The following UTRN variants were observed in gnomAD, a reference collection of about 807,000 sequenced individuals.
UTRN encodes the protein dystrophin-related protein 1.
Under a neutral mutation model 463.9 loss-of-function variants are expected in UTRN, and 283 were observed. The observed-to-expected ratio is 0.61, with a 90% CI of 0.55 to 0.67. The LOEUF is 0.67. UTRN is among the 30% of genes least tolerant of loss of function. The pLI, the probability that UTRN is intolerant of heterozygous loss-of-function variation, is 0.00. For synonymous variants in UTRN, 1,442 were observed against 1,431.5 expected (o/e 1.01, Z -0.17); for missense variants, 3,922 against 4,084.3 (o/e 0.96, Z 1.08).
rs992801536 is a variant in UTRN at position 144,286,421 on chromosome 6, G to A, written c.-93+600G>A. On this transcript the variant is annotated intron_variant, in intron 1 of 74. Transcript: ENST00000367545. This position sits in a 1 kb window ranked among gnomAD's most constrained non-coding sequence, Gnocchi z 4.4. ...TGCTGCTCCCAAGGGTGGGGCTCCG[G>A]AGAGTGTGGCGCGATCGCCAAGCTC... 4.6e-5 allele frequency among the ~76,000 whole-genome samples: 7 copies of A among 152,160 alleles called. No individual in the cohort carries two copies. Among genetic ancestry groups the A allele is most frequent in the Non-Finnish European group, 1.0e-4 (7 of 68,024 alleles).
intron 34 of UTRN, among the ~76,000 whole-genome samples, chr6:144,504,880 A>T (rs1433305562): frequency 1.3e-5 from 2 of 152,142 alleles, no homozygotes; most frequent in Non-Finnish European, 2.9e-5. Context: ...CTGTGAATCC[A>T]TCTGGTCCTG....
At chr6:144,638,601 T>C (rs932770030) in intron 51 of UTRN, among the ~76,000 whole-genome samples, 4 of 152,174 alleles carry the variant, frequency 2.6e-5, no homozygotes, top group African/African-American at 9.7e-5. Context: ...TCCATTTTCT[T>C]AGCAAAAAGT....
chr6:144,494,055 GGCT>G (rs1190846152), intron 33 of UTRN, among the ~76,000 whole-genome samples: 3 of 152,098 alleles, frequency 2.0e-5, no homozygotes, highest in Non-Finnish European at 4.4e-5. Context: ...TACTTTCAAT[GGCT>G]ACTGATATTC....
intron 3 of UTRN, among the ~76,000 whole-genome samples, chr6:144,409,372 A>G (rs1469391995): frequency 6.6e-6 from 1 of 152,240 alleles, no homozygotes; most frequent in African/African-American, 2.4e-5. Flanking sequence ...TGGTATTCAT[A>G]ATTGTGAAGC....
chr6:144,424,702 A>G (rs1785144196), intron 6 of UTRN, among the ~76,000 whole-genome samples: 1 of 152,202 alleles, frequency 6.6e-6, no homozygotes, highest in Non-Finnish European at 1.5e-5. Context: ...AGTTGCAGGA[A>G]TAGTTCAAAG....
At chr6:144,706,243 C>A (rs1233252069) in intron 53 of UTRN, among the ~76,000 whole-genome samples, 1 of 146,314 alleles carries the variant, frequency 6.8e-6, no homozygotes, top group Non-Finnish European at 1.5e-5. Flanking sequence ...TTTTTTAAGT[C>A]CTTGAAAATG....
intron 51 of UTRN, among the ~76,000 whole-genome samples, chr6:144,581,245 C>A (rs1801941541): frequency 2.0e-5 from 3 of 152,160 alleles, no homozygotes; most frequent in Admixed American, 2.0e-4. Context: ...TATTGACTTC[C>A]AACTAGTTTA....
chr6:144,444,421 GA>G, intron 14 of UTRN, 39 bp downstream of exon 14: 1 of 1,504,952 alleles, frequency 6.6e-7, no homozygotes, highest in Non-Finnish European at 9.1e-7. Context: ...AATAAATGGT[GA>G]AAAGTAACCC....
chr6:144,564,495 C>T (rs1415000661), intron 50 of UTRN, among the ~76,000 whole-genome samples: 2 of 152,026 alleles, frequency 1.3e-5, no homozygotes, highest in East Asian at 1.9e-4. Context: ...GGTATTAGTC[C>T]GTTTTCATAC....
intron 50 of UTRN, among the ~76,000 whole-genome samples, chr6:144,571,413 C>T (rs1220202072): frequency 2.0e-5 from 3 of 152,156 alleles, no homozygotes; most frequent in Non-Finnish European, 2.9e-5. Flanking sequence ...GTTCTTTTCC[C>T]TCGACTCACT....
At chr6:144,448,480 T>C in intron 16 of UTRN, 120 bp from the exon 17 acceptor site, 5 of 1,132,968 alleles carry the variant, frequency 4.4e-6, no homozygotes, top group Non-Finnish European at 1.3e-6. Context: ...ATTATACAAC[T>C]GTATAAATGT....
intron 51 of UTRN, among the ~76,000 whole-genome samples, chr6:144,677,875 G>A (rs1158061811): frequency 6.6e-6 from 1 of 152,098 alleles, no homozygotes; most frequent in Non-Finnish European, 1.5e-5. Context: ...TTTTTCATAT[G>A]TTTGTTGGCC....
chr6:144,545,064 C>A (rs549421101), intron 46 of UTRN, among the ~76,000 whole-genome samples: 1 of 152,258 alleles, frequency 6.6e-6, no homozygotes, highest in South Asian at 2.1e-4. Context: ...AGATGATTCA[C>A]CCAGTCCTTA....
rs561982692 is a variant in UTRN at position 144,460,708 on chromosome 6, A to C, written c.2708-489A>C. On this transcript the variant is annotated intron_variant, in intron 21 of 74. Transcript: ENST00000367545. ...TTTTACATTAGTGACTGAGGTAGAC[A>C]CTGTTCCAGCTGGCTGTTCAGTCAT... Among the ~76,000 whole-genome samples, 116 of 152,292 alleles carry C rather than the reference A, an allele frequency of 7.6e-4. 1 individual carries two copies. The highest frequency in any genetic ancestry group is 2.6e-3 in the African/African-American group (110 of 41,574).
At chr6:144,471,200 G>A (rs932725646) in intron 23 of UTRN, among the ~76,000 whole-genome samples, 12 of 152,066 alleles carry the variant, frequency 7.9e-5, no homozygotes, top group African/African-American at 2.4e-4. Flanking sequence ...ATGGGTCTGC[G>A]TGTATTAGAG....
At chr6:144,809,563 G>A (rs1778432734) in intron 65 of UTRN, among the ~76,000 whole-genome samples, 1 of 152,090 alleles carries the variant, frequency 6.6e-6, no homozygotes, top group Non-Finnish European at 1.5e-5. Context: ...GAAGATTCCA[G>A]TCAGTGAAAG....
rs569853465 is a variant in UTRN at position 144,572,353 on chromosome 6, T to G, written c.7290-4746T>G. On this transcript the variant is annotated intron_variant, in intron 50 of 74. Coordinates refer to ENST00000367545, the MANE Select transcript of UTRN (RefSeq NM_007124.3). ...AAAATGGTATGTAGGAGTTATTTTTTATAATTAGCTCAATTATTATTTTTA... is the reference window on the plus strand; with the variant it reads ...AAAATGGTATGTAGGAGTTATTTTTGATAATTAGCTCAATTATTATTTTTA... Among the ~76,000 whole-genome samples the G allele has an allele frequency of 2.6e-3, 390 of 152,326 alleles. 6 individuals carry two copies. Among genetic ancestry groups the G allele is most frequent in the Middle Eastern group, 0.01 (3 of 294 alleles).
At chr6:144,604,607 ATATTAAAGTTTGAT>A (rs1804628500) in intron 51 of UTRN, among the ~76,000 whole-genome samples, 1 of 152,030 alleles carries the variant, frequency 6.6e-6, no homozygotes, top group Non-Finnish European at 1.5e-5. Context: ...TCAACTTTGA[ATATTAAAGTTTGAT>A]AGCATAAAAA....
At chr6:144,358,992 G>A (rs12662724) in intron 2 of UTRN, among the ~76,000 whole-genome samples, 5,184 of 152,008 alleles carry the variant, frequency 0.034, 234 homozygotes, top group East Asian at 0.11. Flanking sequence ...ATTTTTTTCT[G>A]TTAGGTAGTT....
Sources: allele counts gnomAD v4.1 joint callset (sites outside exome capture counted in the v4.1 genomes callset), GRCh38; gene constraint gnomAD v4.1.1; non-coding constraint Gnocchi (gnomAD v3.1); transcripts MANE v1.5; gene names NCBI Gene and HGNC (gene_info 2026-07-23, HGNC 2026-07-21).